The following AKAP9 variants were observed in gnomAD, a reference collection of about 807,000 sequenced individuals.
The protein encoded by AKAP9 is A-kinase anchoring protein 9.
AKAP9 carries 311 observed loss-of-function variants against 488.5 expected under a neutral mutation model. That is an observed-to-expected ratio of 0.64 (90% CI 0.58 to 0.70). The LOEUF (loss-of-function observed/expected upper bound fraction) is 0.70. Among genes scored for constraint, AKAP9 ranks in the 30% least tolerant of loss-of-function variants. The pLI is 0.00. For missense variants in AKAP9, 4,215 were observed against 4,374.5 expected (o/e 0.96, Z 1.03); for synonymous variants, 1,462 against 1,483.5 (o/e 0.99, Z 0.33).
intron 10 of AKAP9, 59 bp from the exon 11 acceptor site, chr7:92,016,070 C>A: frequency 7.0e-7 from 1 of 1,430,778 alleles, no homozygotes; most frequent in Non-Finnish European, 9.8e-7. Flanking sequence ...TATGTTTAAT[C>A]TTTAGAAGCA....
intron 8 of AKAP9, among the ~76,000 whole-genome samples, chr7:92,007,812 A>G (rs931749341): frequency 2.0e-5 from 3 of 152,242 alleles, no homozygotes; most frequent in Non-Finnish European, 4.4e-5. Flanking sequence ...GGAAGAAGAA[A>G]TGCACAAGAA....
intron 16 of AKAP9, among the ~76,000 whole-genome samples, chr7:92,035,275 A>T (rs1475890472): frequency 1.3e-5 from 2 of 152,174 alleles, no homozygotes; most frequent in South Asian, 4.1e-4. Context: ...ATAGCTTCCC[A>T]TGGTTAACTT....
chr7:92,045,239 C>T (rs1296247657), intron 21 of AKAP9, 26 bp downstream of exon 21: 1 of 1,595,246 alleles, frequency 6.3e-7, no homozygotes, highest in Non-Finnish European at 8.6e-7. Flanking sequence ...GTTGTGGAAA[C>T]AATCATTTCA....
chr7:92,082,136 C>T (rs1390375581), intron 31 of AKAP9, among the ~76,000 whole-genome samples: 1 of 151,888 alleles, frequency 6.6e-6, no homozygotes, highest in Non-Finnish European at 1.5e-5. Context: ...GGTTTCGCCA[C>T]GTTGCCCAGA....
chr7:91,975,375 T>G (rs1016908305), intron 2 of AKAP9, among the ~76,000 whole-genome samples: 2 of 152,288 alleles, frequency 1.3e-5, no homozygotes, highest in East Asian at 3.9e-4. Flanking sequence ...CTAAATATAA[T>G]TGTATTCTTA....
intron 40 of AKAP9, among the ~76,000 whole-genome samples, 153 bp downstream of exon 40, chr7:92,095,326 T>C (rs777668088): frequency 1.3e-5 from 2 of 152,240 alleles, no homozygotes; most frequent in Non-Finnish European, 2.9e-5. Flanking sequence ...AACCGTATTA[T>C]GAGGAAATGC....
At chr7:91,950,997 G>T (rs1394462051) in intron 1 of AKAP9, among the ~76,000 whole-genome samples, 3 of 151,782 alleles carry the variant, frequency 2.0e-5, no homozygotes, top group Non-Finnish European at 4.4e-5. Flanking sequence ...ATTCATATCT[G>T]AGCATTTCTA....
At chr7:92,105,634 G>A (rs761248353) in intron 46 of AKAP9, 44 bp from the exon 47 acceptor site, 1 of 1,377,692 alleles carries the variant, frequency 7.3e-7, no homozygotes, top group Admixed American at 1.7e-5. Flanking sequence ...TGTATATACT[G>A]TTTATAGATG....
rs73224294 is a variant in AKAP9 at position 91,968,856 on chromosome 7, G to A, written c.49-4855G>A. 2.2e-3 allele frequency among the ~76,000 whole-genome samples: 335 copies of A among 152,074 alleles called. 1 individual carries two copies. The highest frequency in any genetic ancestry group is 4.1e-3 in the Admixed American group (62 of 15,274). ...TCATCATTGACCCATTTGTCCTTCA[G>A]GATTATGTTGGTTTTTTGTTTGTTT... On this transcript the variant is annotated intron_variant, in intron 1 of 49. Coordinates refer to ENST00000356239, the MANE Select transcript of AKAP9 (RefSeq NM_005751.5).
intron 28 of AKAP9, among the ~76,000 whole-genome samples, chr7:92,075,209 C>T (rs546515518): frequency 6.6e-6 from 1 of 152,092 alleles, no homozygotes; most frequent in African/African-American, 2.4e-5. Flanking sequence ...GGCTTCATGT[C>T]ACAAAGTTAA....
At chr7:91,991,819 A>T (rs1486300252) in intron 3 of AKAP9, among the ~76,000 whole-genome samples, 1 of 152,210 alleles carries the variant, frequency 6.6e-6, no homozygotes, top group African/African-American at 2.4e-5. Flanking sequence ...TAATTATTTG[A>T]ACCATTTTAA....
At chr7:91,977,328 G>A (rs9801304) in intron 2 of AKAP9, among the ~76,000 whole-genome samples, 17,324 of 152,130 alleles carry the variant, frequency 0.11, 1,110 homozygotes, top group East Asian at 0.35. Flanking sequence ...AGGCCAAGGC[G>A]GGCAGATCAC....
intron 17 of AKAP9, 44 bp downstream of exon 17, chr7:92,038,816 T>C (rs1805588196): frequency 7.3e-7 from 1 of 1,367,046 alleles, no homozygotes; most frequent in Non-Finnish European, 1.0e-6. Flanking sequence ...TTAAAAATTG[T>C]GAATTCTTTC....
chr7:91,973,470 T>G (rs1057478665), intron 1 of AKAP9, among the ~76,000 whole-genome samples: 1 of 152,210 alleles, frequency 6.6e-6, no homozygotes, highest in Admixed American at 6.5e-5. Flanking sequence ...TGGGCTTATT[T>G]TCTTTTATTT....
At chr7:92,104,374 G>T (rs549634859) in intron 46 of AKAP9, among the ~76,000 whole-genome samples, 77 of 151,958 alleles carry the variant, frequency 5.1e-4, no homozygotes, top group African/African-American at 1.8e-3. Context: ...TGTATTTTTA[G>T]TAGAGACTGG....
chr7:91,966,778 C>T (rs1794486597), intron 1 of AKAP9, among the ~76,000 whole-genome samples: 1 of 152,226 alleles, frequency 6.6e-6, no homozygotes, highest in South Asian at 2.1e-4. Context: ...GTGATGCTTC[C>T]AGCTTTGTTC....
chr7:91,972,587 G>T (rs1269567017), intron 1 of AKAP9, among the ~76,000 whole-genome samples: 2 of 152,132 alleles, frequency 1.3e-5, no homozygotes, highest in Non-Finnish European at 2.9e-5. Flanking sequence ...CCTCATATTT[G>T]AGTTCTGGGA....
In AKAP9 at chr7:92,096,992, C is replaced by T. The variant is rs1276348861; in HGVS notation, c.10033C>T (p.Leu3345=). ...SRPPLPSEDL[L]KELQKQLEEK... is the part of the protein sequence containing the mutation. ...GCCACCCTTGCCCTCAGAGGACCTA[C>T]TGAAAGAGCTGCAGAAACAGCTAGA... is the stretch of plus-strand genomic sequence containing the variant. The change falls in exon 41 of 50, where the codon CTG becomes TTG. Residue 3345 remains leucine (L), a synonymous_variant. Coordinates refer to ENST00000356239, the MANE Select transcript of AKAP9 (RefSeq NM_005751.5). 6.2e-7 allele frequency: 1 copy of T among 1,614,018 alleles called. No homozygotes were observed. Among genetic ancestry groups the T allele is most frequent in the Non-Finnish European group, 8.5e-7 (1 of 1,180,006 alleles).
intron 49 of AKAP9, chr7:92,108,953 A>C (rs1288897035): frequency 2.2e-6 from 1 of 445,714 alleles, no homozygotes; most frequent in Non-Finnish European, 4.2e-6. Flanking sequence ...ACAGAGCCTA[A>C]CTGGAGAACG....
Sources: gnomAD v4.1 joint callset for allele counts (sites outside exome capture counted in the v4.1 genomes callset) on GRCh38, gnomAD v4.1.1 for gene constraint, MANE v1.5 for transcripts, NCBI Gene and HGNC (gene_info 2026-07-23, HGNC 2026-07-21) for gene names.